EPS8: variants seen among roughly 807,000 people sequenced by gnomAD.
EPS8 encodes the protein EGFR pathway substrate 8, signaling adaptor.
In EPS8, 42 loss-of-function variants were observed where a neutral mutation model predicts 103.8. The ratio of observed to expected loss-of-function variants is 0.40; its 90% CI spans 0.32 to 0.52. EPS8 has a LOEUF of 0.52. Among genes scored for constraint, EPS8 ranks in the 20% least tolerant of loss-of-function variants. EPS8 has a pLI of 0.40. For missense variants in EPS8, 969 were observed against 1,005.1 expected (o/e 0.96, Z 0.49); for synonymous variants, 344 against 344.6 (o/e 1.00, Z 0.02).
rs913454217 is a variant in EPS8 at position 15,706,565 on chromosome 12, T to A, written c.-21-23593A>T. Among the ~76,000 whole-genome samples the A allele has an allele frequency of 9.9e-5, 15 of 152,210 alleles. No homozygotes were observed. The highest frequency in any genetic ancestry group is 3.4e-4 in the African/African-American group (14 of 41,452). On this transcript the variant is annotated intron_variant, in intron 1 of 20. Coordinates refer to ENST00000281172, the MANE Select transcript of EPS8 (RefSeq NM_004447.6). The surrounding 1 kb of genome is among the most constrained non-coding windows in gnomAD (Gnocchi z 5.2). The stretch of plus-strand genomic sequence containing the variant: ...TTAGACATTTGGGCCAATATTTGCT[T>A]AATATCTGCATTTCAAAAATAAAGT...
chr12:15,673,260 G>C (rs1013526663), intron 3 of EPS8, among the ~76,000 whole-genome samples: 3 of 152,066 alleles, frequency 2.0e-5, no homozygotes, highest in Admixed American at 6.6e-5. Flanking sequence ...TAAATAAGTT[G>C]TATAAGAAAC....
chr12:15,683,493 A>G (rs1946044373), intron 1 of EPS8: 1 of 151,832 alleles, frequency 6.6e-6, no homozygotes, highest in Admixed American at 6.6e-5. Context: ...TCCTTCTTTT[A>G]TTTCTTCTTT....
Position 15,769,584 on chromosome 12 carries a change from T to C in EPS8, c.-22+19577A>G, listed in dbSNP as rs1428332073. Among the ~76,000 whole-genome samples the C allele has an allele frequency of 6.6e-6, 1 of 152,126 alleles. No individual in the cohort carries two copies. The highest frequency in any genetic ancestry group is 1.5e-5 in the Non-Finnish European group (1 of 68,028). On this transcript the variant is annotated intron_variant, in intron 1 of 20. Coordinates refer to ENST00000281172, the MANE Select transcript of EPS8 (RefSeq NM_004447.6). This position sits in a 1 kb window ranked among gnomAD's most constrained non-coding sequence, Gnocchi z 4.6. ...TTGAGTATATCTGGAAAGCAAAACA[T>C]TTAAGATGTTAAGATATAAGATGTA...
chr12:15,654,044 C>G (rs762678934), intron 13 of EPS8, 101 bp downstream of exon 13: 8 of 1,147,942 alleles, frequency 7.0e-6, no homozygotes, highest in Non-Finnish European at 8.8e-6. Context: ...CATCCTATGA[C>G]GCTTAGTCCT....
At chr12:15,754,755 A>G (rs1203836804) in intron 1 of EPS8, among the ~76,000 whole-genome samples, 1 of 152,248 alleles carries the variant, frequency 6.6e-6, no homozygotes, top group Non-Finnish European at 1.5e-5. Context: ...AGTCTCTACC[A>G]TATTAGCTTA....
intron 17 of EPS8, among the ~76,000 whole-genome samples, chr12:15,639,414 A>G (rs1174908572): frequency 6.6e-6 from 1 of 152,200 alleles, no homozygotes; most frequent in Non-Finnish European, 1.5e-5. Context: ...TGGGAAATGG[A>G]GGAGACCATA....
In EPS8 at chr12:15,693,644, C is replaced by G. The variant is rs1946203635; in HGVS notation, c.-21-10672G>C. Among the ~76,000 whole-genome samples, 1 of 152,128 alleles carries G rather than the reference C, an allele frequency of 6.6e-6. No individual in the cohort carries two copies. The highest frequency in any genetic ancestry group is 1.5e-5 in the Non-Finnish European group (1 of 68,022). On this transcript the variant is annotated intron_variant, in intron 1 of 20. Coordinates refer to ENST00000281172, the MANE Select transcript of EPS8 (RefSeq NM_004447.6). This position sits in a 1 kb window ranked among gnomAD's most constrained non-coding sequence, Gnocchi z 5.6. ...CACTGGCTTTCTGCATTTAAAAATC[C>G]CTTTACTGTTATTTTATTTGGAGGA...
In EPS8 at chr12:15,736,623, C is replaced by T. The variant is rs186377466; in HGVS notation, c.-22+52538G>A. Among the ~76,000 whole-genome samples the T allele has an allele frequency of 1.4e-4, 22 of 152,188 alleles. No individual in the cohort carries two copies. Among genetic ancestry groups the T allele is most frequent in the African/African-American group, 4.3e-4 (18 of 41,496 alleles). On this transcript the variant is annotated intron_variant, in intron 1 of 20. Transcript: ENST00000281172. This position sits in a 1 kb window ranked among gnomAD's most constrained non-coding sequence, Gnocchi z 4.2. ...AATGAAGTTAGTAAGCAAATCAATCCGCAGCAGGTTAGAAGCATTAAATTT... is the reference window on the plus strand; with the variant it reads ...AATGAAGTTAGTAAGCAAATCAATCTGCAGCAGGTTAGAAGCATTAAATTT...
intron 5 of EPS8, 61 bp downstream of exon 5, chr12:15,669,603 G>T: frequency 1.3e-6 from 2 of 1,556,208 alleles, no homozygotes; most frequent in Non-Finnish European, 1.7e-6. Flanking sequence ...TGAAATGATT[G>T]TAAACATTAA....
intron 16 of EPS8, among the ~76,000 whole-genome samples, chr12:15,641,470 C>T (rs1211793798): frequency 6.6e-6 from 1 of 151,394 alleles, no homozygotes; most frequent in African/African-American, 2.4e-5. Context: ...AGAAAGAGGG[C>T]AAGGAAGAGA....
At chr12:15,709,711 C>T (rs1384493496) in intron 1 of EPS8, among the ~76,000 whole-genome samples, 1 of 152,188 alleles carries the variant, frequency 6.6e-6, no homozygotes. Flanking sequence ...CTTTCCCCAC[C>T]CACAATCCCA....
chr12:15,747,479 T>A lies in EPS8; in HGVS notation c.-22+41682A>T, dbSNP rs1174506802. On this transcript the variant is annotated intron_variant, in intron 1 of 20. Transcript: ENST00000281172. The surrounding 1 kb of genome is among the most constrained non-coding windows in gnomAD (Gnocchi z 4.4). ...AGTTCCAGTACTACCAATTCAGTAA[T>A]CTTATAAGTTAAATTATTTTTGTGA... Among the ~76,000 whole-genome samples, 1 of 152,100 alleles carries A rather than the reference T, an allele frequency of 6.6e-6. No individual in the cohort carries two copies. The highest frequency in any genetic ancestry group is 6.5e-5 in the Admixed American group (1 of 15,268).
intron 1 of EPS8, chr12:15,683,547 A>C (rs1946045055): frequency 6.6e-6 from 1 of 152,116 alleles, no homozygotes; most frequent in Admixed American, 6.5e-5. Context: ...CAAATGCACA[A>C]ATGCACATGG....
rs1947162436 is a variant in EPS8, at chr12:15,772,246, A to G, written c.-22+16915T>C. On this transcript the variant is annotated intron_variant, in intron 1 of 20. Transcript: ENST00000281172. The surrounding 1 kb of genome is among the most constrained non-coding windows in gnomAD (Gnocchi z 5.0). The stretch of plus-strand genomic sequence containing the variant: ...TGGATAAAAGTCACTCCAAGTAGAG[A>G]GACAGAAAGAGATGAGGGGGCCAGA... Among the ~76,000 whole-genome samples, 1 of 152,048 alleles carries G rather than the reference A, an allele frequency of 6.6e-6. No individual in the cohort carries two copies. Among genetic ancestry groups the G allele is most frequent in the South Asian group, 2.1e-4 (1 of 4,822 alleles).
chr12:15,650,917 G>A lies in EPS8; in HGVS notation c.1340C>T (p.Ala447Val), dbSNP rs766952932. ...TTGATAAAGATCTTGTTCCATTGTG[G>A]CTCCCATAAAGTTCAGCATTGGGGG... ...WEPPMLNFMG[A>V]TMEQDLYQLA... The change falls in exon 14 of 21, where the codon GCC (alanine) becomes GTC (valine). Residue 447 changes from alanine (A) to valine (V), a missense_variant. Physicochemically the swap from Ala to Val is moderately conservative, Grantham distance 64. Transcript: ENST00000281172. 8 of 1,613,778 alleles carry A rather than the reference G, an allele frequency of 5.0e-6. No individual in the cohort carries two copies. The highest frequency in any genetic ancestry group is 1.6e-4 in the Middle Eastern group (1 of 6,084).
At position 15,647,205 on chromosome 12, in the gene EPS8, A is replaced by G. The variant is rs775268001; in HGVS notation, c.1490T>C (p.Ile497Thr). 4 of 1,613,862 alleles carry G rather than the reference A, an allele frequency of 2.5e-6. No individual in the cohort carries two copies. ...GTCCAGGTGGGATCCTCTTGTGTAAATGTTGCTACTGAACGCATAGCCATC... is the reference window on the plus strand; with the variant it reads ...GTCCAGGTGGGATCCTCTTGTGTAAGTGTTGCTACTGAACGCATAGCCATC... ...PADGYAFSSN[I>T]YTRGSHLDQG... Residue 497 changes from isoleucine (I) to threonine (T), a missense_variant, in exon 15 of 21, where the codon ATT becomes ACT. By Grantham distance (89) the Ile-to-Thr change is moderately conservative (BLOSUM62 -1). Transcript: ENST00000281172.
At position 15,624,228 on chromosome 12, in the gene EPS8, C is replaced by T. The variant is rs1252861714; in HGVS notation, c.2224G>A (p.Val742Met). The T allele has an allele frequency of 6.2e-7, 1 of 1,612,580 alleles. No homozygotes were observed. Among genetic ancestry groups the T allele is most frequent in the South Asian group, 1.1e-5 (1 of 90,988 alleles). ...CAAAGTATTCACAGAGAGACTCACACAGGGTTGAATCCCTTTGACTGTAAC... is the reference window on the plus strand; with the variant it reads ...CAAAGTATTCACAGAGAGACTCACATAGGGTTGAATCCCTTTGACTGTAAC... Reference protein sequence around the residue: ...TWLQSKGFNPVTVNSLGVLNG... With the variant: ...TWLQSKGFNPMTVNSLGVLNG... Residue 742 changes from valine (V) to methionine (M), a missense_variant and splice_region_variant, in exon 19 of 21, where the codon GTG (valine) becomes ATG (methionine). Coordinates refer to ENST00000281172, the MANE Select transcript of EPS8 (RefSeq NM_004447.6).
rs565921704 is a variant in EPS8 at position 15,695,236 on chromosome 12, A to G, written c.-21-12264T>C. 2.4e-4 allele frequency among the ~76,000 whole-genome samples: 37 copies of G among 152,360 alleles called. No homozygotes were observed. The Middle Eastern group carries it at 0.014, about 56-fold the overall frequency. On this transcript the variant is annotated intron_variant, in intron 1 of 20. Coordinates refer to ENST00000281172, the MANE Select transcript of EPS8 (RefSeq NM_004447.6). The surrounding 1 kb of genome is among the most constrained non-coding windows in gnomAD (Gnocchi z 5.0). ...GTTGGCTGGGGAAATGTCAACATGG[A>G]TTAATTAAAAACTAAAATAACTTTT...
intron 1 of EPS8, among the ~76,000 whole-genome samples, chr12:15,705,937 T>C (rs144086911): frequency 1.3e-5 from 2 of 151,778 alleles, no homozygotes; most frequent in East Asian, 1.9e-4. Context: ...TAAGCTTATG[T>C]AAAACATACA....
Sources: gnomAD v4.1 joint callset for allele counts (sites outside exome capture counted in the v4.1 genomes callset) on GRCh38, gnomAD v4.1.1 for gene constraint, Gnocchi (gnomAD v3.1) non-coding constraint, MANE v1.5 for transcripts, NCBI Gene and HGNC (gene_info 2026-07-23, HGNC 2026-07-21) for gene names.